Variants in PRKAB1 observed in about 807,000 individuals in gnomAD.
PRKAB1 encodes 5'-AMP-activated protein kinase subunit beta-1.
Under a neutral mutation model 32.0 loss-of-function variants are expected in PRKAB1, and 18 were observed. That is an observed-to-expected ratio of 0.56 (90% CI 0.39 to 0.83). The LOEUF is 0.83. PRKAB1 is among the 40% of genes least tolerant of loss of function. The probability of loss-of-function intolerance (pLI) is 0.00; values close to 1 mark genes in which losing one functional copy is unlikely to be tolerated. For synonymous variants in PRKAB1, 141 were observed against 141.4 expected, an observed-to-expected ratio of 1.00 and a Z score of 0.02; for missense variants, 263 against 352.6, an observed-to-expected ratio of 0.75 and a Z score of 2.03.
rs567086167 is a variant in PRKAB1, at chr12:119,676,692, C to T, written c.666+22C>T. On this transcript the variant is annotated intron_variant, in intron 5 of 6. Transcript: ENST00000229328. Reference sequence around the variant, plus strand: ...TTCCGTAAGTATGTGGGCATCTGCCCGGACCATCCGCCGTGGGTCATGTTC... The same window carrying T: ...TTCCGTAAGTATGTGGGCATCTGCCTGGACCATCCGCCGTGGGTCATGTTC... 1.6e-4 allele frequency: 260 copies of T among 1,611,178 alleles called. 1 individual carries two copies. The South Asian group carries it at 2.3e-3, about 14-fold the overall frequency.
At chr12:119,668,480 A>G in intron 1 of PRKAB1, 77 bp downstream of exon 1, 1 of 1,543,928 alleles carries the variant, frequency 6.5e-7, no homozygotes. Flanking sequence ...TTCCCGTCAC[A>G]TCCTTTCGAA....
At chr12:119,677,937 T>G (rs562398178) in intron 5 of PRKAB1, 1 of 152,210 alleles carries the variant, frequency 6.6e-6, no homozygotes, top group South Asian at 2.1e-4. Context: ...GCAAATTTTT[T>G]GTATTTTTAG....
chr12:119,672,064 A>AT (rs1214308933), intron 1 of PRKAB1, among the ~76,000 whole-genome samples: 1 of 152,216 alleles, frequency 6.6e-6, no homozygotes, highest in Non-Finnish European at 1.5e-5. Flanking sequence ...ATAGCTAATA[A>AT]TTAGCACTCA....
At position 119,668,295 on chromosome 12, in the gene PRKAB1, T is replaced by C; in HGVS notation, c.51T>C (p.His17=). ...ERAALERHGG[H]KTPRRDSSGG... is the part of the protein sequence containing the mutation. ...CCGCGCTGGAGCGGCATGGTGGCCATAAGACGCCCCGGAGGGACAGCTCGG... is the reference window on the plus strand; with the variant it reads ...CCGCGCTGGAGCGGCATGGTGGCCACAAGACGCCCCGGAGGGACAGCTCGG... Residue 17 remains histidine (H), a synonymous_variant, in exon 1 of 7, where the codon CAT becomes CAC. Transcript: ENST00000229328. 6.2e-7 allele frequency: 1 copy of C among 1,611,762 alleles called. No individual in the cohort carries two copies. The highest frequency in any genetic ancestry group is 8.5e-7 in the Non-Finnish European group (1 of 1,179,102).
intron 5 of PRKAB1, chr12:119,677,435 A>C (rs1354136086): frequency 1.3e-5 from 2 of 152,274 alleles, no homozygotes; most frequent in African/African-American, 4.8e-5. Flanking sequence ...ACAGGGTCTC[A>C]GTGCTTGTTA....
chr12:119,671,368 A>G (rs1955387329), intron 1 of PRKAB1: 13 of 259,026 alleles, frequency 5.0e-5, no homozygotes, highest in South Asian at 4.5e-4. Context: ...GTCTGTTCTC[A>G]TGCTACTATG....
chr12:119,673,480 G>C (rs1955401927), intron 2 of PRKAB1, among the ~76,000 whole-genome samples: 1 of 152,308 alleles, frequency 6.6e-6, no homozygotes, highest in Admixed American at 6.5e-5. Flanking sequence ...CAAGCCAGGG[G>C]ACAAAACAAC....
At chr12:119,669,815 TC>T (rs1381771186) in intron 1 of PRKAB1, 1 of 152,134 alleles carries the variant, frequency 6.6e-6, no homozygotes, top group African/African-American at 2.4e-5. Context: ...CCTCAAGTGA[TC>T]CGCCCGCCTG....
At position 119,679,840 on chromosome 12, in the gene PRKAB1, C is replaced by T; in HGVS notation, c.667-93C>T. 3 of 1,380,828 alleles carry T rather than the reference C, an allele frequency of 2.2e-6. No individual in the cohort carries two copies. Among genetic ancestry groups the T allele is most frequent in the Non-Finnish European group, 3.1e-6 (3 of 968,900 alleles). 85.5% of individuals were successfully genotyped at this position (1,380,828 alleles called of 1,614,324 possible). On this transcript the variant is annotated intron_variant, in intron 5 of 6. Coordinates refer to ENST00000229328, the MANE Select transcript of PRKAB1 (RefSeq NM_006253.5). The surrounding 1 kb of genome is among the most constrained non-coding windows in gnomAD (Gnocchi z 4.1). ...GAAGAGAGGTCGGCCTGAGCGCTGCCTCCTGTCCTTTGATATCTGGCACTG... is the reference window on the plus strand; with the variant it reads ...GAAGAGAGGTCGGCCTGAGCGCTGCTTCCTGTCCTTTGATATCTGGCACTG...
At chr12:119,672,488 A>G (rs753978991) in intron 2 of PRKAB1, 24 bp downstream of exon 2, 9 of 1,489,780 alleles carry the variant, frequency 6.0e-6, no homozygotes, top group East Asian at 5.0e-5. Flanking sequence ...GAGTGTTCAC[A>G]TATTTGTCTT....
At chr12:119,673,670 GC>G (rs1281182208) in intron 2 of PRKAB1, 26 of 264,474 alleles carry the variant, frequency 9.8e-5, no homozygotes, top group African/African-American at 5.5e-4. Context: ...CAGGAGCCTT[GC>G]GAGCTTGAGA....
rs1955356882 is a variant in PRKAB1 at position 119,668,380 on chromosome 12, C to G, written c.136C>G (p.Leu46Val). Residue 46 changes from leucine (L) to valine (V), a missense_variant, in exon 1 of 7, where the codon CTC becomes GTC. Leu to Val is a conservative substitution (Grantham distance 32). Transcript: ENST00000229328. Reference sequence around the variant, plus strand: ...GATGGACAGCCCCGAAGACGCCGACCTCTTCCACTCCGAGGAAATCAAGGT... The same window carrying G: ...GATGGACAGCCCCGAAGACGCCGACGTCTTCCACTCCGAGGAAATCAAGGT... ...ILMDSPEDADLFHSEEIKAPE... is the reference protein window; with the variant it reads ...ILMDSPEDADVFHSEEIKAPE... 1 of 1,613,368 alleles carries G rather than the reference C, an allele frequency of 6.2e-7. No homozygotes were observed. Among genetic ancestry groups the G allele is most frequent in the Non-Finnish European group, 8.5e-7 (1 of 1,179,720 alleles).
chr12:119,668,485 T>C, intron 1 of PRKAB1, 82 bp downstream of exon 1: 1 of 1,531,240 alleles, frequency 6.5e-7, no homozygotes, highest in East Asian at 2.4e-5. Context: ...GTCACATCCT[T>C]TCGAAAAACA....
Position 119,668,148 on chromosome 12 carries a change from C to T in PRKAB1, c.-97C>T. ...CTGGTGCTCCGACTCCTTCCGCAGG[C>T]TCCTTGGGACCCGCGGTTCCGGGAG... On this transcript the variant is annotated 5_prime_UTR_variant, in exon 1 of 7. Transcript: ENST00000229328. 1 of 1,345,810 alleles carries T rather than the reference C, an allele frequency of 7.4e-7. No homozygotes were observed. The highest frequency in any genetic ancestry group is 9.7e-7 in the Non-Finnish European group (1 of 1,035,072). The allele number at this position is 1,345,810 out of a possible 1,614,324, so 83.4% of individuals were successfully genotyped here. A position where few individuals can be genotyped will look rare whatever the true frequency, so the allele number is the denominator to read the frequency against.
Position 119,668,351 on chromosome 12 carries a change from T to C in PRKAB1, c.107T>C (p.Ile36Thr), listed in dbSNP as rs1316621420. The C allele has an allele frequency of 1.2e-6, 2 of 1,613,026 alleles. No individual in the cohort carries two copies. Among genetic ancestry groups the C allele is most frequent in the Non-Finnish European group, 1.7e-6 (2 of 1,179,642 alleles). ...GGTKDGDRPK[I>T]LMDSPEDADL... ...ACCAAGGACGGGGACAGGCCCAAGA[T>C]CCTGATGGACAGCCCCGAAGACGCC... The change falls in exon 1 of 7, where the codon ATC becomes ACC. Residue 36 changes from isoleucine (I) to threonine (T), a missense_variant. Ile to Thr is a moderately conservative substitution (Grantham distance 89). Transcript: ENST00000229328.
chr12:119,668,237 C>G lies in PRKAB1; in HGVS notation c.-8C>G. 1.3e-6 allele frequency: 2 copies of G among 1,579,460 alleles called. No individual in the cohort carries two copies. Among genetic ancestry groups the G allele is most frequent in the South Asian group, 2.3e-5 (2 of 86,926 alleles). On this transcript the variant is annotated 5_prime_UTR_variant, in exon 1 of 7. Transcript: ENST00000229328. ...TCCGCCTTCCCTGTGTCCCCGCAGA[C>G]CCCCATCATGGGCAATACCAGCAGT... is the stretch of plus-strand genomic sequence containing the variant.
In PRKAB1 at chr12:119,674,287, A is replaced by G; in HGVS notation, c.418-53A>G. 7.1e-7 allele frequency: 1 copy of G among 1,417,974 alleles called. No homozygotes were observed. Among genetic ancestry groups the G allele is most frequent in the Non-Finnish European group, 9.9e-7 (1 of 1,010,542 alleles). 87.8% of individuals were successfully genotyped at this position (1,417,974 alleles called of 1,614,324 possible). ...CCAGGAATTCCAAGTCCTCTGAAGAATAACTCCGCAGACCTTCCACGTTAT... is the reference window on the plus strand; with the variant it reads ...CCAGGAATTCCAAGTCCTCTGAAGAGTAACTCCGCAGACCTTCCACGTTAT... On this transcript the variant is annotated intron_variant, in intron 3 of 6. Transcript: ENST00000229328. The surrounding 1 kb of genome is among the most constrained non-coding windows in gnomAD (Gnocchi z 4.3).
intron 1 of PRKAB1, among the ~76,000 whole-genome samples, 194 bp downstream of exon 1, chr12:119,668,597 A>G (rs1029382559): frequency 2.0e-5 from 3 of 152,238 alleles, no homozygotes; most frequent in Non-Finnish European, 4.4e-5. Context: ...CTAATTACCA[A>G]TATGAGAAAG....
rs1955458826 is a variant in PRKAB1 at position 119,680,722 on chromosome 12, C to T, written c.*397C>T. The T allele has an allele frequency of 5.2e-6, 1 of 192,518 alleles. No homozygotes were observed. The highest frequency in any genetic ancestry group is 2.3e-5 in the African/African-American group (1 of 43,028). 11.9% of individuals were successfully genotyped at this position (192,518 alleles called of 1,614,324 possible). A position where few individuals can be genotyped will look rare whatever the true frequency, so the allele number is the denominator to read the frequency against. ...TTCTGGGAAACAGGGACTGAGGCCA[C>T]ACATCATTTCCAGTCATCTGTGTGT... On this transcript the variant is annotated 3_prime_UTR_variant, in exon 7 of 7. Transcript: ENST00000229328.
Sources: gnomAD v4.1 joint callset for allele counts (sites outside exome capture counted in the v4.1 genomes callset) on GRCh38, gnomAD v4.1.1 for gene constraint, Gnocchi (gnomAD v3.1) non-coding constraint, MANE v1.5 for transcripts, NCBI Gene and HGNC (gene_info 2026-07-23, HGNC 2026-07-21) for gene names.